Variants in SETX observed in about 807,000 individuals in gnomAD.
SETX encodes helicase senataxin.
SETX carries 90 observed loss-of-function variants against 227.2 expected under a neutral mutation model. The ratio of observed to expected loss-of-function variants is 0.40; its 90% CI spans 0.33 to 0.47. SETX has a LOEUF of 0.47. SETX is among the 20% of genes least tolerant of loss of function. The pLI is 0.91. For synonymous variants in SETX, 1,210 were observed against 1,113.2 expected, an observed-to-expected ratio of 1.09 and a Z score of -1.73; for missense variants, 3,052 against 3,181.5, an observed-to-expected ratio of 0.96 and a Z score of 0.98.
At chr9:132,354,519 GA>G (rs1375876330) in intron 1 of SETX, among the ~76,000 whole-genome samples, 2 of 145,468 alleles carry the variant, frequency 1.4e-5, no homozygotes, top group South Asian at 2.2e-4. Context: ...AAAGAAAAAA[GA>G]AAAAAAAACA....
chr9:132,339,139 T>C (rs1357766288), intron 5 of SETX, among the ~76,000 whole-genome samples: 1 of 152,208 alleles, frequency 6.6e-6, no homozygotes, highest in Non-Finnish European at 1.5e-5. Context: ...CATTTTAATA[T>C]AGTCAAGTTC....
chr9:132,327,454 G>C lies in SETX; in HGVS notation c.4144C>G (p.Gln1382Glu). ...TCTGGTACAAATATGTCAGAATTCT[G>C]TGCTGTATGTGACCCTGCTCTTTTA... ...DVKRAGSHTA[Q>E]NSDIFVPESD... The change falls in exon 10 of 26, where the codon CAG (glutamine) becomes GAG (glutamate). Residue 1382 changes from glutamine (Q) to glutamate (E), a missense_variant. Gln to Glu is a conservative substitution (Grantham distance 29). Transcript: ENST00000224140. The C allele has an allele frequency of 6.2e-7, 1 of 1,614,120 alleles. No individual in the cohort carries two copies. The highest frequency in any genetic ancestry group is 1.1e-5 in the South Asian group (1 of 91,076).
rs141303996 is a variant in SETX at position 132,269,873 on chromosome 9, C to T, written c.7200-171G>A. Among the ~76,000 whole-genome samples, 5,511 of 143,642 alleles carry T rather than the reference C, an allele frequency of 0.038. 595 individuals are homozygous for T. Among genetic ancestry groups the T allele is most frequent in the East Asian group, 0.24 (1,002 of 4,140 alleles). 94.2% of individuals were successfully genotyped at this position (143,642 alleles called of 152,430 possible). A position where few individuals can be genotyped will look rare whatever the true frequency, so the allele number is the denominator to read the frequency against. Reference sequence around the variant, plus strand: ...GGACTCTAGAATGACTCAGCGTGCCCGTGTGAGACACAGGTGGATTCTAGA... The same window carrying T: ...GGACTCTAGAATGACTCAGCGTGCCTGTGTGAGACACAGGTGGATTCTAGA... On this transcript the variant is annotated intron_variant, in intron 24 of 25. Coordinates refer to ENST00000224140, the MANE Select transcript of SETX (RefSeq NM_015046.7).
intron 10 of SETX, among the ~76,000 whole-genome samples, chr9:132,314,075 C>T (rs1421424766): frequency 6.6e-6 from 1 of 152,044 alleles, no homozygotes; most frequent in African/African-American, 2.4e-5. Flanking sequence ...GGAATACAGG[C>T]ATGCGCCACC....
chr9:132,273,749 G>A (rs1843009907), intron 23 of SETX, among the ~76,000 whole-genome samples: 1 of 152,014 alleles, frequency 6.6e-6, no homozygotes, highest in African/African-American at 2.4e-5. Context: ...TATGAAGAGA[G>A]AGTTTTACTT....
intron 5 of SETX, among the ~76,000 whole-genome samples, chr9:132,341,126 C>G (rs565108202): frequency 2.0e-5 from 3 of 152,216 alleles, no homozygotes; most frequent in Non-Finnish European, 4.4e-5. Flanking sequence ...GTGGGTGCAT[C>G]ATTTGAGGTT....
At chr9:132,276,522 C>T (rs1843170635) in intron 22 of SETX, among the ~76,000 whole-genome samples, 1 of 152,216 alleles carries the variant, frequency 6.6e-6, no homozygotes, top group Non-Finnish European at 1.5e-5. Context: ...CCAACAAATG[C>T]TGCCCCTAGA....
intron 10 of SETX, among the ~76,000 whole-genome samples, chr9:132,318,683 A>G (rs1410674301): frequency 2.6e-5 from 4 of 152,136 alleles, no homozygotes; most frequent in African/African-American, 4.8e-5. Context: ...AAGCAATCCA[A>G]CTATATCCAC....
Position 132,336,271 on chromosome 9 carries a change from A to G in SETX, c.718+25T>C, listed in dbSNP as rs772422664. 8 of 1,561,514 alleles carry G rather than the reference A, an allele frequency of 5.1e-6. No individual in the cohort carries two copies. In the Admixed American group the frequency reaches 6.7e-5, roughly 13 times the overall value. On this transcript the variant is annotated intron_variant, in intron 6 of 25. Coordinates refer to ENST00000224140, the MANE Select transcript of SETX (RefSeq NM_015046.7). The stretch of plus-strand genomic sequence containing the variant: ...ACAGAACTATACGAAAATACCAATT[A>G]TATTAGTGTAGGAATAATACTCACC...
intron 13 of SETX, 38 bp downstream of exon 13, chr9:132,298,042 T>TA: frequency 6.6e-7 from 1 of 1,525,970 alleles, no homozygotes; most frequent in Non-Finnish European, 9.1e-7. Flanking sequence ...TTTAACATCT[T>TA]AACATGAAAT....
In SETX at chr9:132,262,224, G is replaced by C. The variant is rs552487555; in HGVS notation, c.*2015C>G. The C allele has an allele frequency of 6.6e-6, 1 of 152,132 alleles. No individual in the cohort carries two copies. The highest frequency in any genetic ancestry group is 1.5e-5 in the Non-Finnish European group (1 of 68,034). The allele number at this position is 152,132 out of a possible 1,614,324, so 9.4% of individuals were successfully genotyped here. ...GAAATAATATTGTTCAGTGTGTGGC[G>C]GCAAAATATGCATTTTAGAGAAAAC... is the stretch of plus-strand genomic sequence containing the variant. On this transcript the variant is annotated 3_prime_UTR_variant, in exon 26 of 26. Coordinates refer to ENST00000224140, the MANE Select transcript of SETX (RefSeq NM_015046.7).
chr9:132,272,456 CTTTATTT>C (rs1357588467), intron 23 of SETX, among the ~76,000 whole-genome samples: 1 of 150,172 alleles, frequency 6.7e-6, no homozygotes, highest in Non-Finnish European at 1.5e-5. Context: ...GCCTTACAGT[CTTTATTT>C]TTAAAGAAAC....
chr9:132,307,160 CAGG>C (rs1845381091), intron 11 of SETX, among the ~76,000 whole-genome samples: 1 of 152,202 alleles, frequency 6.6e-6, no homozygotes, highest in African/African-American at 2.4e-5. Flanking sequence ...GAGGCTGAGG[CAGG>C]AGAATTGCTT....
At chr9:132,307,898 C>T (rs772180312) in intron 11 of SETX, among the ~76,000 whole-genome samples, 4 of 152,066 alleles carry the variant, frequency 2.6e-5, no homozygotes, top group Non-Finnish European at 4.4e-5. Flanking sequence ...AGGCTGGTCT[C>T]GAACTCCTGA....
At chr9:132,294,550 A>C (rs1026497793) in intron 15 of SETX, among the ~76,000 whole-genome samples, 1 of 152,238 alleles carries the variant, frequency 6.6e-6, no homozygotes, top group African/African-American at 2.4e-5. Context: ...TGTAGGTAAT[A>C]CATATGTGAT....
At chr9:132,302,468 T>C (rs975247766) in intron 11 of SETX, among the ~76,000 whole-genome samples, 1 of 150,584 alleles carries the variant, frequency 6.6e-6, no homozygotes, top group Non-Finnish European at 1.5e-5. Flanking sequence ...GAGACCAGCC[T>C]GGCCAACATG....
chr9:132,313,820 G>A (rs373898016), intron 10 of SETX, among the ~76,000 whole-genome samples: 2 of 150,062 alleles, frequency 1.3e-5, no homozygotes, highest in African/African-American at 4.9e-5. Flanking sequence ...AAAGGTGTCA[G>A]CTGCTGTAAA....
At position 132,329,135 on chromosome 9, in the gene SETX, C is replaced by T. The variant is rs1847052500; in HGVS notation, c.2463G>A (p.Glu821=). The change falls in exon 10 of 26, where the codon GAG becomes GAA. Residue 821 remains glutamate (E), a synonymous_variant. Coordinates refer to ENST00000224140, the MANE Select transcript of SETX (RefSeq NM_015046.7). ...CTGTATCTTTCCTTGAATAGAAACTCTCAATGTTAGATACAGTCAAATTTT... is the reference window on the plus strand; with the variant it reads ...CTGTATCTTTCCTTGAATAGAAACTTTCAATGTTAGATACAGTCAAATTTT... The part of the protein sequence containing the change: ...LDENLTVSNI[E]SFYSRKDTGV... 6.2e-7 allele frequency: 1 copy of T among 1,610,340 alleles called. No homozygotes were observed. Among genetic ancestry groups the T allele is most frequent in the South Asian group, 1.1e-5 (1 of 90,506 alleles).
rs751829537 is a variant in SETX at position 132,329,765 on chromosome 9, T to C, written c.1833A>G (p.Ala611=). Residue 611 remains alanine (A), a synonymous_variant, in exon 10 of 26, where the codon GCA becomes GCG. Transcript: ENST00000224140. The part of the protein sequence containing the change: ...PCNTFVDLTS[A]CKISPASYNK... ...TATAAGATGCAGGAGAGATTTTACA[T>C]GCAGAAGTCAGATCCACAAAAGTGT... The C allele has an allele frequency of 1.2e-6, 2 of 1,614,142 alleles. No homozygotes were observed. Among genetic ancestry groups the C allele is most frequent in the South Asian group, 2.2e-5 (2 of 91,076 alleles).
Sources: allele counts gnomAD v4.1 joint callset (sites outside exome capture counted in the v4.1 genomes callset), GRCh38; gene constraint gnomAD v4.1.1; transcripts MANE v1.5; gene names NCBI Gene and HGNC (gene_info 2026-07-23, HGNC 2026-07-21).